The following ATP13A5 variants were observed in gnomAD, a reference collection of about 807,000 sequenced individuals.
ATP13A5 encodes the protein ATPase 13A5, also known as probable cation-transporting ATPase 13A5.
ATP13A5 carries 149 observed loss-of-function variants against 150.2 expected under a neutral mutation model. The observed-to-expected ratio is 0.99, with a 90% CI of 0.87 to 1.14. The LOEUF (loss-of-function observed/expected upper bound fraction) is 1.14. Ranked by LOEUF, ATP13A5 falls within the 50% of genes most tolerant of loss-of-function variation. ATP13A5 has a pLI of 0.00. For missense variants in ATP13A5, 1,383 were observed against 1,449.3 expected (o/e 0.95, Z 0.74); for synonymous variants, 497 against 522.2 (o/e 0.95, Z 0.66).
intron 13 of ATP13A5, among the ~76,000 whole-genome samples, chr3:193,325,950 G>C (rs1191344765): frequency 6.6e-6 from 1 of 152,170 alleles, no homozygotes; most frequent in African/African-American, 2.4e-5. Context: ...TTCCTTGCCT[G>C]TCTGGGCAAA....
chr3:193,331,320 GGACA>G lies in ATP13A5; in HGVS notation c.1273-13_1273-10del. On this transcript the variant is annotated splice_polypyrimidine_tract_variant and intron_variant, in intron 11 of 29. Transcript: ENST00000342358. ...GTATCTTTTGGAGGAACCTGGGAGAGGACAGACATTTTCATACAGGATAGCCCAG... is the reference window on the plus strand; with the variant it reads ...GTATCTTTTGGAGGAACCTGGGAGAGGACATTTTCATACAGGATAGCCCAG... 6.2e-7 allele frequency: 1 copy of G among 1,610,044 alleles called. No individual in the cohort carries two copies. The highest frequency in any genetic ancestry group is 2.2e-5 in the East Asian group (1 of 44,814).
At chr3:193,292,540 A>G (rs56154041) in intron 25 of ATP13A5, among the ~76,000 whole-genome samples, 57,077 of 152,116 alleles carry the variant, frequency 0.38, 11,030 homozygotes, top group East Asian at 0.57. Flanking sequence ...GCATGCTTGC[A>G]CAGCCGGGCT....
chr3:193,275,369 A>G, intron 29 of ATP13A5, 67 bp from the exon 30 acceptor site: 7 of 1,548,874 alleles, frequency 4.5e-6, no homozygotes, highest in Non-Finnish European at 6.1e-6. Context: ...GCCGCTGGCC[A>G]CCACAGCCAC....
intron 25 of ATP13A5, among the ~76,000 whole-genome samples, chr3:193,290,799 G>C (rs1156683327): frequency 6.6e-6 from 1 of 152,154 alleles, no homozygotes; most frequent in African/African-American, 2.4e-5. Context: ...TACATCCTTA[G>C]TAGCTACATA....
chr3:193,341,428 A>G (rs1380520484), intron 9 of ATP13A5, among the ~76,000 whole-genome samples: 1 of 152,164 alleles, frequency 6.6e-6, no homozygotes, highest in African/African-American at 2.4e-5. Context: ...TCGTACTGGG[A>G]GTTGGAAGAG....
At chr3:193,301,023 T>C (rs1718377309) in intron 24 of ATP13A5, among the ~76,000 whole-genome samples, 188 bp downstream of exon 24, 1 of 152,218 alleles carries the variant, frequency 6.6e-6, no homozygotes, top group Non-Finnish European at 1.5e-5. Flanking sequence ...AAAACTCATC[T>C]ACATGTACTT....
intron 26 of ATP13A5, among the ~76,000 whole-genome samples, chr3:193,289,554 T>G (rs1176608129): frequency 6.6e-6 from 1 of 152,116 alleles, no homozygotes; most frequent in Non-Finnish European, 1.5e-5. Context: ...ACTGAGGCCA[T>G]GTAGTGCACA....
chr3:193,276,181 G>A (rs1195961185), intron 29 of ATP13A5, among the ~76,000 whole-genome samples: 1 of 152,042 alleles, frequency 6.6e-6, no homozygotes, highest in East Asian at 1.9e-4. Context: ...AAGTCTTAAA[G>A]CACATGAGTT....
intron 21 of ATP13A5, among the ~76,000 whole-genome samples, chr3:193,309,604 A>C (rs538017183): frequency 6.6e-6 from 1 of 152,312 alleles, no homozygotes; most frequent in African/African-American, 2.4e-5. Flanking sequence ...TGGCATATAA[A>C]AAACAGCAAC....
intron 7 of ATP13A5, among the ~76,000 whole-genome samples, chr3:193,348,068 G>C (rs1418187024): frequency 6.6e-6 from 1 of 152,140 alleles, no homozygotes; most frequent in African/African-American, 2.4e-5. Flanking sequence ...CAACAACACT[G>C]GAGTGGGATA....
intron 23 of ATP13A5, among the ~76,000 whole-genome samples, chr3:193,301,539 A>T (rs1377347452): frequency 2.0e-5 from 3 of 152,226 alleles, no homozygotes; most frequent in Non-Finnish European, 2.9e-5. Context: ...AAGTACCAGC[A>T]TTATGCTAAG....
intron 9 of ATP13A5, among the ~76,000 whole-genome samples, chr3:193,340,962 A>T (rs962859901): frequency 1.3e-5 from 2 of 152,166 alleles, no homozygotes; most frequent in African/African-American, 2.4e-5. Flanking sequence ...TCACAAACAA[A>T]TCCAAATCTC....
Position 193,275,256 on chromosome 3 carries a change from T to A in ATP13A5, c.3443A>T (p.Glu1148Val). 6 of 1,614,042 alleles carry A rather than the reference T, an allele frequency of 3.7e-6. No homozygotes were observed. The highest frequency in any genetic ancestry group is 5.1e-6 in the Non-Finnish European group (6 of 1,180,034). Reference protein sequence around the residue: ...NHELWLLIKREFGFYSKSQYR... With the variant: ...NHELWLLIKRVFGFYSKSQYR... The stretch of plus-strand genomic sequence containing the variant: ...TTGACTTTTAGAGTAGAATCCAAAT[T>A]CTCTTTTGATCAACAGCCAGAGTTC... Residue 1148 changes from glutamate to valine, a missense_variant, in exon 30 of 30, where the codon GAA becomes GTA. This residue lies in a region of ATP13A5 where 568 missense variants were observed against 621.5 expected (regional missense o/e 0.91). Transcript: ENST00000342358.
chr3:193,363,867 G>T (rs1713134828), intron 2 of ATP13A5, among the ~76,000 whole-genome samples: 1 of 152,122 alleles, frequency 6.6e-6, no homozygotes, highest in African/African-American at 2.4e-5. Context: ...ACCTGATGGG[G>T]TCGAAATTTC....
At chr3:193,313,631 C>A in intron 19 of ATP13A5, 1 of 163,986 alleles carries the variant, frequency 6.1e-6, no homozygotes. Flanking sequence ...TTGTATTGGG[C>A]AATCTTACTG....
At chr3:193,351,388 G>A (rs1353735820) in intron 6 of ATP13A5, among the ~76,000 whole-genome samples, 187 bp from the exon 7 acceptor site, 2 of 147,060 alleles carry the variant, frequency 1.4e-5, no homozygotes, top group African/African-American at 5.1e-5. Context: ...ATGTGATATG[G>A]TGGAAGCAAA....
intron 23 of ATP13A5, among the ~76,000 whole-genome samples, chr3:193,304,932 A>G (rs1718550870): frequency 6.6e-6 from 1 of 152,170 alleles, no homozygotes; most frequent in South Asian, 2.1e-4. Context: ...CACGCAGGGG[A>G]AACTGCCACT....
chr3:193,276,821 T>C lies in ATP13A5; in HGVS notation c.3325A>G (p.Thr1109Ala), dbSNP rs1488065539. 6 of 1,613,108 alleles carry C rather than the reference T, an allele frequency of 3.7e-6. No homozygotes were observed. Among genetic ancestry groups the C allele is most frequent in the Admixed American group, 1.7e-5 (1 of 59,902 alleles). Residue 1109 changes from threonine (T) to alanine (A), a missense_variant, in exon 29 of 30, where the codon ACC (threonine) becomes GCC (alanine). Physicochemically the swap from Thr to Ala is moderately conservative, Grantham distance 58. Coordinates refer to ENST00000342358, the MANE Select transcript of ATP13A5 (RefSeq NM_198505.4). Reference sequence around the variant, plus strand: ...ATTAAAACCCTCCACGATGTTATGGTTGGGATCAACTGTTGAAAAACAAAT... The same window carrying C: ...ATTAAAACCCTCCACGATGTTATGGCTGGGATCAACTGTTGAAAAACAAAT... ...VIYRGMELIPTITSWRVLILV... is the reference protein window; with the variant it reads ...VIYRGMELIPAITSWRVLILV...
intron 28 of ATP13A5, among the ~76,000 whole-genome samples, chr3:193,278,961 C>A (rs189325858): frequency 1.3e-5 from 2 of 152,274 alleles, no homozygotes; most frequent in Admixed American, 1.3e-4. Flanking sequence ...TAGTCAATAT[C>A]TGACAAAACA....
Sources: allele counts gnomAD v4.1 joint callset (sites outside exome capture counted in the v4.1 genomes callset), GRCh38; gene constraint gnomAD v4.1.1; regional missense constraint gnomAD v4.1.1; transcripts MANE v1.5; gene names NCBI Gene and HGNC (gene_info 2026-07-23, HGNC 2026-07-21).